Variants in SDK1 observed in about 807,000 individuals in gnomAD.
SDK1 encodes protein sidekick-1.
A neutral mutation model predicts 245.5 loss-of-function variants in SDK1; 157 were observed. That is an observed-to-expected ratio of 0.64 (90% CI 0.56 to 0.73). The LOEUF is 0.73. SDK1 is among the 30% of genes least tolerant of loss of function. The probability of loss-of-function intolerance (pLI) is 0.00; values close to 1 mark genes in which losing one functional copy is unlikely to be tolerated. For synonymous variants in SDK1, 1,647 were observed against 1,278.5 expected, an observed-to-expected ratio of 1.29 and a Z score of -6.15; for missense variants, 3,583 against 3,002.3, an observed-to-expected ratio of 1.19 and a Z score of -4.52.
rs573197398 is a variant in SDK1, at chr7:3,810,981, T to C, written c.714-10469T>C. 5.9e-5 allele frequency among the ~76,000 whole-genome samples: 9 copies of C among 152,360 alleles called. No individual in the cohort carries two copies. In the South Asian group the frequency reaches 1.9e-3, roughly 32 times the overall value. ...TAATTCAGTGACCGAGCTGTGTTTTTACAGAAGCCTATTAACTAAAACTCT... is the reference window on the plus strand; with the variant it reads ...TAATTCAGTGACCGAGCTGTGTTTTCACAGAAGCCTATTAACTAAAACTCT... On this transcript the variant is annotated intron_variant, in intron 4 of 44. Transcript: ENST00000404826.
intron 4 of SDK1, among the ~76,000 whole-genome samples, chr7:3,671,791 G>A (rs987289883): frequency 1.3e-5 from 2 of 152,192 alleles, no homozygotes; most frequent in Non-Finnish European, 2.9e-5. Flanking sequence ...TTAAGAGCAG[G>A]AAGTGAAATT....
chr7:3,609,553 A>G (rs1781527372), intron 1 of SDK1, among the ~76,000 whole-genome samples: 1 of 152,034 alleles, frequency 6.6e-6, no homozygotes, highest in Admixed American at 6.6e-5. Context: ...GGCACGTGCC[A>G]CCATACCCGG....
Position 4,149,499 on chromosome 7 carries a change from G to A in SDK1, c.4625+36G>A, listed in dbSNP as rs370731486. On this transcript the variant is annotated intron_variant, in intron 30 of 44. Coordinates refer to ENST00000404826, the MANE Select transcript of SDK1 (RefSeq NM_152744.4). The stretch of plus-strand genomic sequence containing the variant: ...AGCAGGAGCACCTCCCCGGGGAACG[G>A]GGCCCTGGCCGCCTCCAGCCAGCTC... The A allele has an allele frequency of 1.1e-4, 156 of 1,378,204 alleles. No homozygotes were observed. In the African/African-American group the frequency reaches 2.2e-3, roughly 19 times the overall value. 85.4% of individuals were successfully genotyped at this position (1,378,204 alleles called of 1,614,324 possible).
chr7:3,999,410 G>A (rs182437577), intron 14 of SDK1, among the ~76,000 whole-genome samples: 136 of 152,326 alleles, frequency 8.9e-4, no homozygotes, highest in Non-Finnish European at 1.4e-3. Context: ...AGGGGGCGTC[G>A]GGTAGTATGT....
chr7:4,024,796 C>T (rs1787202994), intron 17 of SDK1, among the ~76,000 whole-genome samples: 1 of 152,250 alleles, frequency 6.6e-6, no homozygotes, highest in Non-Finnish European at 1.5e-5. Flanking sequence ...CCCAGGCTAT[C>T]ATCTGCCATT....
At chr7:4,055,545 T>A (rs1344514234) in intron 19 of SDK1, among the ~76,000 whole-genome samples, 3 of 129,262 alleles carry the variant, frequency 2.3e-5, no homozygotes, top group Non-Finnish European at 4.6e-5. Context: ...GTTGTTGTTG[T>A]TGTTGTTGTT....
intron 1 of SDK1, among the ~76,000 whole-genome samples, chr7:3,369,475 C>G (rs1325801262): frequency 6.6e-6 from 1 of 152,144 alleles, no homozygotes; most frequent in African/African-American, 2.4e-5. Context: ...AGTATCTGGC[C>G]TGTTATAGGG....
chr7:4,118,719 A>G lies in SDK1; in HGVS notation c.3823+4445A>G, dbSNP rs114207136. On this transcript the variant is annotated intron_variant, in intron 25 of 44. Coordinates refer to ENST00000404826, the MANE Select transcript of SDK1 (RefSeq NM_152744.4). ...CAAATGGATAAATAAAATGTGGTCT[A>G]TGCATTCAATGGATGATTCAGCAAT... Among the ~76,000 whole-genome samples, 1,002 of 139,894 alleles carry G rather than the reference A, an allele frequency of 7.2e-3. 69 individuals are homozygous for G. The highest frequency in any genetic ancestry group is 0.024 in the African/African-American group (940 of 39,216). The allele number at this position is 139,894 out of a possible 152,430, so 91.8% of individuals were successfully genotyped here.
At chr7:3,347,875 A>G (rs1388337291) in intron 1 of SDK1, among the ~76,000 whole-genome samples, 2 of 140,414 alleles carry the variant, frequency 1.4e-5, no homozygotes, top group African/African-American at 5.7e-5. Context: ...CGAGCCAGTT[A>G]CAAACACATT....
rs114750655 is a variant in SDK1 at position 3,850,174 on chromosome 7, G to C, written c.847+28591G>C. 7.0e-3 allele frequency among the ~76,000 whole-genome samples: 1,061 copies of C among 152,270 alleles called. 13 individuals are homozygous for C. Among genetic ancestry groups the C allele is most frequent in the African/African-American group, 0.024 (985 of 41,558 alleles). On this transcript the variant is annotated intron_variant, in intron 5 of 44. Coordinates refer to ENST00000404826, the MANE Select transcript of SDK1 (RefSeq NM_152744.4). ...CCTGGGAATGGACCCACCCCCCTTCGAGTCTGGCCCTGCCACTCATCAGGC... is the reference window on the plus strand; with the variant it reads ...CCTGGGAATGGACCCACCCCCCTTCCAGTCTGGCCCTGCCACTCATCAGGC...
intron 1 of SDK1, among the ~76,000 whole-genome samples, chr7:3,451,287 C>T (rs532187426): frequency 7.9e-5 from 12 of 151,602 alleles, no homozygotes; most frequent in Admixed American, 4.1e-4. Context: ...AAATAGGGAC[C>T]GCTTTCCCAC....
chr7:3,449,555 C>G (rs1449958733), intron 1 of SDK1, among the ~76,000 whole-genome samples: 1 of 152,130 alleles, frequency 6.6e-6, no homozygotes, highest in Non-Finnish European at 1.5e-5. Context: ...TAGAAGTAGG[C>G]TTTTGGAGTA....
intron 5 of SDK1, among the ~76,000 whole-genome samples, chr7:3,917,442 G>T (rs1272592013): frequency 6.6e-6 from 1 of 152,166 alleles, no homozygotes; most frequent in Non-Finnish European, 1.5e-5. Flanking sequence ...GATTCCCCAA[G>T]ACACGGGCTG....
At chr7:3,888,359 C>G (rs1413945137) in intron 5 of SDK1, among the ~76,000 whole-genome samples, 2 of 152,202 alleles carry the variant, frequency 1.3e-5, no homozygotes, top group Non-Finnish European at 2.9e-5. Context: ...CGGGGTGGAA[C>G]CAGAAATGGC....
chr7:3,443,303 T>A (rs949540748), intron 1 of SDK1, among the ~76,000 whole-genome samples: 2 of 152,206 alleles, frequency 1.3e-5, no homozygotes, highest in African/African-American at 4.8e-5. Flanking sequence ...TTTGACAATT[T>A]TAGAATAGGA....
intron 1 of SDK1, among the ~76,000 whole-genome samples, chr7:3,496,708 G>A (rs1479804637): frequency 1.3e-5 from 2 of 152,106 alleles, no homozygotes; most frequent in Non-Finnish European, 2.9e-5. Context: ...TCTGTGTTCC[G>A]ACTACTTTAC....
intron 4 of SDK1, among the ~76,000 whole-genome samples, chr7:3,806,510 A>C (rs77133543): frequency 0.017 from 2,528 of 152,346 alleles, 77 homozygotes; most frequent in African/African-American, 0.057. Context: ...TCCACCCAGC[A>C]GAGACCGTTA....
intron 30 of SDK1, among the ~76,000 whole-genome samples, chr7:4,149,763 CAT>C (rs2128208119): frequency 6.6e-6 from 1 of 152,202 alleles, no homozygotes; most frequent in African/African-American, 2.4e-5. Context: ...GCAGGCTGGA[CAT>C]GTGGGCTGGA....
At chr7:4,228,363 C>T (rs974662670) in intron 40 of SDK1, among the ~76,000 whole-genome samples, 18 of 152,230 alleles carry the variant, frequency 1.2e-4, no homozygotes, top group East Asian at 5.8e-4. Context: ...AGGGCACCTC[C>T]GCCCTCCACA....
Sources: allele counts gnomAD v4.1 joint callset (sites outside exome capture counted in the v4.1 genomes callset), GRCh38; gene constraint gnomAD v4.1.1; transcripts MANE v1.5; gene names NCBI Gene and HGNC (gene_info 2026-07-23, HGNC 2026-07-21).